The following CSNK1G1 variants were observed in gnomAD, a reference collection of about 807,000 sequenced individuals.
The protein encoded by CSNK1G1 is casein kinase I isoform gamma-1.
Under a neutral mutation model 59.6 loss-of-function variants are expected in CSNK1G1, and 22 were observed. The observed-to-expected ratio is 0.37, with a 90% CI of 0.26 to 0.53. The LOEUF is 0.53. Ranked by LOEUF, CSNK1G1 falls within the 20% of genes least tolerant of loss-of-function variation. The pLI is 0.89. For missense variants in CSNK1G1, 384 were observed against 519.5 expected (o/e 0.74, Z 2.54); for synonymous variants, 179 against 177.1 (o/e 1.01, Z -0.08).
chr15:64,346,359 C>T (rs528140337), intron 1 of CSNK1G1, among the ~76,000 whole-genome samples: 17 of 147,598 alleles, frequency 1.2e-4, no homozygotes, highest in East Asian at 6.0e-4. Context: ...AACTACAAAA[C>T]GATAAAAAAT....
chr15:64,233,360 T>TC lies in CSNK1G1; in HGVS notation c.293-16648_293-16647insG, dbSNP rs541789213. ...AAGGACAGATTCTCTCTCTCTCTCT[T>TC]TCTCTCTTTTTTTTACATTTTCCTT... is the stretch of plus-strand genomic sequence containing the variant. On this transcript the variant is annotated intron_variant, in intron 4 of 11. Coordinates refer to ENST00000303052, the MANE Select transcript of CSNK1G1 (RefSeq NM_022048.5). Among the ~76,000 whole-genome samples, 1,350 of 137,942 alleles carry TC rather than the reference T, an allele frequency of 9.8e-3. 17 individuals are homozygous for TC. The highest frequency in any genetic ancestry group is 0.032 in the African/African-American group (1,290 of 40,050). The allele number at this position is 137,942 out of a possible 152,430, so 90.5% of individuals were successfully genotyped here.
chr15:64,196,460 T>C (rs144909247), intron 10 of CSNK1G1, among the ~76,000 whole-genome samples: 1 of 152,268 alleles, frequency 6.6e-6, no homozygotes, highest in African/African-American at 2.4e-5. Context: ...CTGAACTTTT[T>C]TTTTTTTTTG....
chr15:64,279,834 T>C (rs1336456192), intron 2 of CSNK1G1, among the ~76,000 whole-genome samples: 6 of 152,006 alleles, frequency 3.9e-5, no homozygotes, highest in African/African-American at 9.6e-5. Context: ...TAGCCAGGCA[T>C]GGTGGCACGC....
intron 2 of CSNK1G1, among the ~76,000 whole-genome samples, chr15:64,271,654 T>A (rs1893312883): frequency 6.6e-6 from 1 of 152,188 alleles, no homozygotes; most frequent in Non-Finnish European, 1.5e-5. Context: ...TTCTTTTGAA[T>A]TTGCTGAGAA....
At chr15:64,355,462 G>C (rs1388431896) in intron 1 of CSNK1G1, among the ~76,000 whole-genome samples, 1 of 152,220 alleles carries the variant, frequency 6.6e-6, no homozygotes, top group Non-Finnish European at 1.5e-5. Flanking sequence ...GAAGCGTACG[G>C]AAGTTGGGTA....
At position 64,216,561 on chromosome 15, in the gene CSNK1G1, C is replaced by G; in HGVS notation, c.444+1G>C. 1 of 1,613,678 alleles carries G rather than the reference C, an allele frequency of 6.2e-7. No individual in the cohort carries two copies. The highest frequency in any genetic ancestry group is 8.5e-7 in the Non-Finnish European group (1 of 1,179,706). ...CTTCTAGAAGAGCAATTCCAACTTA[C>G]CAGCTGGATGGCTATCATTAACACC... On this transcript the variant is annotated splice_donor_variant, in intron 5 of 11. Coordinates refer to ENST00000303052, the MANE Select transcript of CSNK1G1 (RefSeq NM_022048.5). LOFTEE classifies it high-confidence loss of function. The surrounding 1 kb of genome is among the most constrained non-coding windows in gnomAD (Gnocchi z 4.6).
intron 2 of CSNK1G1, among the ~76,000 whole-genome samples, chr15:64,285,530 A>G (rs778193530): frequency 6.6e-6 from 1 of 152,188 alleles, no homozygotes; most frequent in Non-Finnish European, 1.5e-5. Context: ...ACAAGTATAA[A>G]AAGTAGCATT....
chr15:64,352,447 C>CTTCTTTTTTTTTTTTTTTT (rs1566958699), intron 1 of CSNK1G1, among the ~76,000 whole-genome samples: 1 of 89,412 alleles, frequency 1.1e-5, no homozygotes, highest in African/African-American at 4.4e-5. Flanking sequence ...TTGAATTCTT[C>CTTCTTTTTTTTTTTTTTTT]TTTTTTTTTT....
chr15:64,301,991 C>G (rs1377971584), intron 1 of CSNK1G1, among the ~76,000 whole-genome samples: 3 of 152,192 alleles, frequency 2.0e-5, no homozygotes, highest in Non-Finnish European at 4.4e-5. Context: ...CACCTATACT[C>G]TAAACTTCCT....
At chr15:64,343,507 G>T (rs1011887906) in intron 1 of CSNK1G1, among the ~76,000 whole-genome samples, 1 of 152,006 alleles carries the variant, frequency 6.6e-6, no homozygotes, top group South Asian at 2.1e-4. Context: ...TCTGATTTTT[G>T]ATTAAGTTTT....
chr15:64,354,607 C>T (rs762936036), intron 1 of CSNK1G1, among the ~76,000 whole-genome samples: 5 of 152,096 alleles, frequency 3.3e-5, no homozygotes, highest in African/African-American at 4.8e-5. Context: ...CTATTGTATG[C>T]ATTTTTTTTT....
At chr15:64,317,926 C>T (rs569347624) in intron 1 of CSNK1G1, among the ~76,000 whole-genome samples, 2 of 152,236 alleles carry the variant, frequency 1.3e-5, no homozygotes, top group South Asian at 4.1e-4. Flanking sequence ...CTAATTGATT[C>T]ACTCATTTCA....
At chr15:64,224,827 T>G (rs1030638257) in intron 4 of CSNK1G1, among the ~76,000 whole-genome samples, 1 of 152,080 alleles carries the variant, frequency 6.6e-6, no homozygotes, top group African/African-American at 2.4e-5. Context: ...ATTTCACATT[T>G]CCGAGCCACA....
At chr15:64,313,310 T>C (rs966723977) in intron 1 of CSNK1G1, among the ~76,000 whole-genome samples, 12 of 152,222 alleles carry the variant, frequency 7.9e-5, no homozygotes, top group African/African-American at 1.9e-4. Flanking sequence ...CGTATGTTTA[T>C]TGTGGCACTA....
chr15:64,236,783 A>C (rs1334028067), intron 4 of CSNK1G1, among the ~76,000 whole-genome samples: 1 of 152,212 alleles, frequency 6.6e-6, no homozygotes, highest in Non-Finnish European at 1.5e-5. Flanking sequence ...CAATCCCAGT[A>C]CTGGGTATCT....
At chr15:64,248,811 C>T (rs62021602) in intron 4 of CSNK1G1, among the ~76,000 whole-genome samples, 8,264 of 151,580 alleles carry the variant, frequency 0.055, 681 homozygotes, top group African/African-American at 0.18. Flanking sequence ...GGTGAAACCC[C>T]GTCTCTACTA....
At chr15:64,297,986 G>T (rs955661030) in intron 2 of CSNK1G1, among the ~76,000 whole-genome samples, 1 of 152,062 alleles carries the variant, frequency 6.6e-6, no homozygotes, top group African/African-American at 2.4e-5. Context: ...ATGGTCCCAG[G>T]GCTAATGAAA....
chr15:64,316,509 C>A (rs1451259561), intron 1 of CSNK1G1, among the ~76,000 whole-genome samples: 4 of 130,026 alleles, frequency 3.1e-5, no homozygotes, highest in African/African-American at 1.2e-4. Context: ...GTTCTCCAGC[C>A]TGGACGAGAG....
At chr15:64,257,128 C>A (rs771314741) in intron 3 of CSNK1G1, among the ~76,000 whole-genome samples, 1 of 151,492 alleles carries the variant, frequency 6.6e-6, no homozygotes, top group Admixed American at 6.6e-5. Flanking sequence ...AAATGCGGTA[C>A]TGAGTCACAC....
Sources: allele counts gnomAD v4.1 joint callset (sites outside exome capture counted in the v4.1 genomes callset), GRCh38; gene constraint gnomAD v4.1.1; non-coding constraint Gnocchi (gnomAD v3.1); transcripts MANE v1.5; gene names NCBI Gene and HGNC (gene_info 2026-07-23, HGNC 2026-07-21).